PLXDC2: variants seen among roughly 807,000 people sequenced by gnomAD.
The protein encoded by PLXDC2 is plexin domain-containing protein 2.
PLXDC2 carries 40 observed loss-of-function variants against 68.9 expected under a neutral mutation model. The ratio of observed to expected loss-of-function variants is 0.58; its 90% CI spans 0.45 to 0.76. The LOEUF is 0.76. Among genes scored for constraint, PLXDC2 ranks in the 30% least tolerant of loss-of-function variants. The pLI, the probability that PLXDC2 is intolerant of heterozygous loss-of-function variation, is 0.00. For missense variants in PLXDC2, 644 were observed against 661.9 expected (o/e 0.97, Z 0.30); for synonymous variants, 243 against 234.2 (o/e 1.04, Z -0.34).
At chr10:20,167,457 G>T (rs913284909) in intron 7 of PLXDC2, among the ~76,000 whole-genome samples, 1 of 152,122 alleles carries the variant, frequency 6.6e-6, no homozygotes, top group African/African-American at 2.4e-5. Context: ...TCAGAATTTA[G>T]ACCGATATTA....
chr10:20,144,988 C>T (rs1834053668), intron 5 of PLXDC2, among the ~76,000 whole-genome samples: 1 of 152,104 alleles, frequency 6.6e-6, no homozygotes, highest in Non-Finnish European at 1.5e-5. Context: ...TATACTACTC[C>T]AACTGAACTC....
chr10:19,918,695 G>A (rs533946667), intron 1 of PLXDC2, among the ~76,000 whole-genome samples: 259 of 152,266 alleles, frequency 1.7e-3, no homozygotes, highest in African/African-American at 5.3e-3. Context: ...ATTAACACAG[G>A]CAGTACTTTC....
intron 3 of PLXDC2, among the ~76,000 whole-genome samples, chr10:20,066,611 T>G (rs2131704969): frequency 6.6e-6 from 1 of 152,336 alleles, no homozygotes; most frequent in South Asian, 2.1e-4. Flanking sequence ...GAAAATGAGT[T>G]TTGTTGTTCC....
At chr10:19,932,376 C>T (rs966697718) in intron 1 of PLXDC2, among the ~76,000 whole-genome samples, 2 of 152,068 alleles carry the variant, frequency 1.3e-5, no homozygotes, top group African/African-American at 4.8e-5. Flanking sequence ...CCTTTCCTTT[C>T]TATATACCAG....
chr10:20,217,673 C>CTA, intron 11 of PLXDC2, 97 bp downstream of exon 11: 1 of 1,347,782 alleles, frequency 7.4e-7, no homozygotes, highest in Non-Finnish European at 9.7e-7. Context: ...GGAATAGCTC[C>CTA]TACTCTCTAG....
At chr10:20,188,503 T>G (rs575501693) in intron 9 of PLXDC2, among the ~76,000 whole-genome samples, 62 of 151,870 alleles carry the variant, frequency 4.1e-4, no homozygotes, top group Non-Finnish European at 7.4e-4. Flanking sequence ...TCCCAGGGAT[T>G]TGGCTTTTTA....
At chr10:20,033,726 C>T (rs1835537523) in intron 2 of PLXDC2, among the ~76,000 whole-genome samples, 1 of 152,150 alleles carries the variant, frequency 6.6e-6, no homozygotes, top group Non-Finnish European at 1.5e-5. Flanking sequence ...ATTCAATTAC[C>T]TCCCTCGAGT....
At chr10:20,149,037 T>C (rs2131799010) in intron 6 of PLXDC2, among the ~76,000 whole-genome samples, 1 of 152,180 alleles carries the variant, frequency 6.6e-6, no homozygotes, top group Non-Finnish European at 1.5e-5. Flanking sequence ...ATAGACTATG[T>C]CTTACTCTAT....
At position 20,072,053 on chromosome 10, in the gene PLXDC2, C is replaced by T. The variant is rs115938074; in HGVS notation, c.541+3814C>T. Reference sequence around the variant, plus strand: ...GAAGAATGTTGTGGAGTACTTTGAACGTTAGAAATCTTGCCGGTCATGGTG... The same window carrying T: ...GAAGAATGTTGTGGAGTACTTTGAATGTTAGAAATCTTGCCGGTCATGGTG... On this transcript the variant is annotated intron_variant, in intron 4 of 13. Transcript: ENST00000377252. Among the ~76,000 whole-genome samples, 559 of 151,954 alleles carry T rather than the reference C, an allele frequency of 3.7e-3. 5 individuals carry two copies. The highest frequency in any genetic ancestry group is 0.013 in the African/African-American group (524 of 41,456).
rs1205748170 is a variant in PLXDC2 at position 20,286,277 on chromosome 10, G to A, written c.*6458G>A. On this transcript the variant is annotated 3_prime_UTR_variant, in exon 14 of 14. Coordinates refer to ENST00000377252, the MANE Select transcript of PLXDC2 (RefSeq NM_032812.9). ...TAAAAGGCTGGAAAAAAAATTAAATGTAAGTCATAAACTAGTACTCAGCTT... is the reference window on the plus strand; with the variant it reads ...TAAAAGGCTGGAAAAAAAATTAAATATAAGTCATAAACTAGTACTCAGCTT... The A allele has an allele frequency of 6.6e-6, 1 of 152,120 alleles. No homozygotes were observed. Among genetic ancestry groups the A allele is most frequent in the Non-Finnish European group, 1.5e-5 (1 of 68,018 alleles). The allele number at this position is 152,120 out of a possible 1,614,324, so 9.4% of individuals were successfully genotyped here. A position where few individuals can be genotyped will look rare whatever the true frequency, so the allele number is the denominator to read the frequency against.
intron 4 of PLXDC2, among the ~76,000 whole-genome samples, chr10:20,125,634 T>C (rs976018733): frequency 6.6e-6 from 1 of 152,194 alleles, no homozygotes; most frequent in African/African-American, 2.4e-5. Flanking sequence ...TCAATGCAGC[T>C]ATAGAGAGAG....
At chr10:19,953,822 G>T (rs1202370456) in intron 1 of PLXDC2, among the ~76,000 whole-genome samples, 2 of 151,850 alleles carry the variant, frequency 1.3e-5, no homozygotes, top group Admixed American at 6.6e-5. Context: ...AAAGAAACCA[G>T]CCTGTTTTTT....
chr10:20,023,354 A>G (rs1335448584), intron 2 of PLXDC2, among the ~76,000 whole-genome samples: 1 of 152,106 alleles, frequency 6.6e-6, no homozygotes, highest in Non-Finnish European at 1.5e-5. Flanking sequence ...TAAATACCTT[A>G]TAAGTATGTG....
chr10:19,931,176 G>T (rs1833625532), intron 1 of PLXDC2, among the ~76,000 whole-genome samples: 1 of 152,192 alleles, frequency 6.6e-6, no homozygotes, highest in African/African-American at 2.4e-5. Flanking sequence ...CAGGAAAAAG[G>T]TTTTCAAGGC....
At chr10:19,900,255 A>T (rs1161976501) in intron 1 of PLXDC2, among the ~76,000 whole-genome samples, 1 of 152,200 alleles carries the variant, frequency 6.6e-6, no homozygotes, top group Non-Finnish European at 1.5e-5. Flanking sequence ...CAGAAGATCA[A>T]GGAGGGCCTG....
intron 13 of PLXDC2, among the ~76,000 whole-genome samples, chr10:20,269,124 A>G (rs140452582): frequency 7.1e-4 from 108 of 152,338 alleles, no homozygotes; most frequent in Non-Finnish European, 1.1e-3. Context: ...GGGTATAACT[A>G]AGGTAAACAT....
chr10:19,942,070 C>G (rs1378547403), intron 1 of PLXDC2, among the ~76,000 whole-genome samples: 1 of 151,472 alleles, frequency 6.6e-6, no homozygotes, highest in African/African-American at 2.4e-5. Context: ...TATTATTTAT[C>G]TTGAACTAAG....
intron 12 of PLXDC2, among the ~76,000 whole-genome samples, chr10:20,223,351 C>A (rs980232085): frequency 7.2e-6 from 1 of 139,252 alleles, no homozygotes; most frequent in African/African-American, 2.7e-5. Flanking sequence ...CTCGCACTGT[C>A]CCCCCGGCTG....
At chr10:20,247,478 G>A (rs1244015133) in intron 13 of PLXDC2, among the ~76,000 whole-genome samples, 2 of 148,670 alleles carry the variant, frequency 1.3e-5, no homozygotes, top group Non-Finnish European at 3.0e-5. Flanking sequence ...CCTGGTCTAG[G>A]AAAAAAAAAA....
Sources: gnomAD v4.1 joint callset for allele counts (sites outside exome capture counted in the v4.1 genomes callset) on GRCh38, gnomAD v4.1.1 for gene constraint, MANE v1.5 for transcripts, NCBI Gene and HGNC (gene_info 2026-07-23, HGNC 2026-07-21) for gene names.